Variants in FAM153A observed in about 807,000 individuals in gnomAD.
FAM153A encodes the protein family with sequence similarity 153 member A.
In FAM153A, 12 loss-of-function variants were observed where a neutral mutation model predicts 48.1. The observed-to-expected ratio is 0.25, with a 90% CI of 0.16 to 0.40. The LOEUF is 0.40. Ranked by LOEUF, FAM153A falls within the 10% of genes least tolerant of loss-of-function variation. The pLI, the probability that FAM153A is intolerant of heterozygous loss-of-function variation, is 1.00. For synonymous variants in FAM153A, 36 were observed against 118.2 expected (o/e 0.30, Z 4.51); for missense variants, 111 against 345.8 (o/e 0.32, Z 5.38).
At chr5:177,724,405 G>A (rs777290118) in intron 19 of FAM153A, 43 bp from the exon 22 acceptor site, 4 of 1,606,692 alleles carry the variant, frequency 2.5e-6, no homozygotes, top group Non-Finnish European at 3.4e-6. Flanking sequence ...AGACGCCAGT[G>A]CAGGAAAAGA....
chr5:177,695,897 C>T, the FAM153A span, among the ~76,000 whole-genome samples: 1 of 131,082 alleles, frequency 7.6e-6, no homozygotes, highest in African/African-American at 3.1e-5. Flanking sequence ...CAGAGGCACT[C>T]CTCACTTCCC....
chr5:177,768,979 T>A (rs1202491585), intron 1 of FAM153A, among the ~76,000 whole-genome samples: 1 of 93,488 alleles, frequency 1.1e-5, no homozygotes, highest in Non-Finnish European at 2.2e-5. Flanking sequence ...ATCCCAGCAC[T>A]TTGGGAGGCC....
At chr5:177,698,425 T>A in the FAM153A span, among the ~76,000 whole-genome samples, 1 of 151,890 alleles carries the variant, frequency 6.6e-6, no homozygotes, top group Admixed American at 6.6e-5. Flanking sequence ...CCATTCCTTT[T>A]GGGTGGCTTC....
At chr5:177,781,389 G>A (rs1365031681), upstream of FAM153A, among the ~76,000 whole-genome samples, 8 of 142,442 alleles carry the variant, frequency 5.6e-5, no homozygotes, top group African/African-American at 7.8e-5. Flanking sequence ...CCAAAGTGCT[G>A]GGATTACAGG....
chr5:177,705,906 C>T (rs1757843271), downstream of FAM153A, among the ~76,000 whole-genome samples: 1 of 151,616 alleles, frequency 6.6e-6, no homozygotes, highest in Admixed American at 6.6e-5. Context: ...GATCTGCCCG[C>T]CTCGGCCTCC....
chr5:177,718,824 T>C (rs1760423133), downstream of FAM153A, among the ~76,000 whole-genome samples: 1 of 149,140 alleles, frequency 6.7e-6, no homozygotes, highest in African/African-American at 2.5e-5. Context: ...GGCCTTAAAG[T>C]AGTGACTAAA....
the FAM153A span, among the ~76,000 whole-genome samples, chr5:177,700,208 G>T: frequency 2.0e-5 from 3 of 151,906 alleles, no homozygotes; most frequent in African/African-American, 4.9e-5. Context: ...CCATGAAAGG[G>T]TATCTCTGAA....
intron 10 of FAM153A, among the ~76,000 whole-genome samples, chr5:177,738,317 A>G (rs1203532240): frequency 6.6e-6 from 1 of 151,376 alleles, no homozygotes; most frequent in African/African-American, 2.5e-5. Flanking sequence ...AGATGAGAAA[A>G]TAACACAGCA....
downstream of FAM153A, chr5:177,723,011 G>GTTGAATATGCATAGCTTCCTGGA (rs1304761820): frequency 1.7e-5 from 2 of 119,574 alleles, no homozygotes; most frequent in Admixed American, 8.7e-5. Context: ...CCATCCAGAC[G>GTTGAATATGCATAGCTTCCTGGA]GAAGAGCTGC....
chr5:177,753,272 A>C, upstream of FAM153A: 1 of 1,449,124 alleles, frequency 6.9e-7, no homozygotes. Context: ...ATGGCAGTTA[A>C]AATGAAAGGC....
Position 177,728,767 on chromosome 5 carries a change from A to G in FAM153A, c.964+256T>C, listed in dbSNP as rs924366060. 3.3e-5 allele frequency among the ~76,000 whole-genome samples: 5 copies of G among 150,198 alleles called. 1 individual carries two copies. The highest frequency in any genetic ancestry group is 6.6e-5 in the Admixed American group (1 of 15,150). On this transcript the variant is annotated intron_variant, in intron 18 of 20. Transcript: ENST00000614127. ...TTTTTAGGAGCGATGGGGTTTCTCA[A>G]TGTCAGTCAGGCTGGTCTCAAACTC...
At chr5:177,760,101 G>A (rs1471093168) in intron 1 of FAM153A, among the ~76,000 whole-genome samples, 1 of 150,400 alleles carries the variant, frequency 6.6e-6, no homozygotes, top group Non-Finnish European at 1.5e-5. Context: ...AATTTTAATT[G>A]TCAACAACTG....
exon 27 of FAM153A, chr5:177,711,280 TAATA>T (rs1370227391): frequency 6.6e-6 from 1 of 151,906 alleles, no homozygotes; most frequent in Non-Finnish European, 1.5e-5. Context: ...ACAATGTTAA[TAATA>T]ACCACCACAA....
At chr5:177,695,819 ACTC>A in the FAM153A span, among the ~76,000 whole-genome samples, 1 of 141,564 alleles carries the variant, frequency 7.1e-6, no homozygotes, top group Non-Finnish European at 1.5e-5. Flanking sequence ...GGGCAGAGGC[ACTC>A]CTCACTCCTA....
chr5:177,719,470 G>A (rs1470611842), downstream of FAM153A, among the ~76,000 whole-genome samples: 4 of 150,924 alleles, frequency 2.7e-5, no homozygotes, highest in Non-Finnish European at 5.9e-5. Context: ...AAAAAGGGAG[G>A]GAGGACACTG....
chr5:177,714,041 G>A (rs1055306337), intron 25 of FAM153A: 3 of 151,862 alleles, frequency 2.0e-5, no homozygotes, highest in African/African-American at 7.3e-5. Context: ...TTTACTGTAT[G>A]TTCATACTTA....
At chr5:177,759,242 G>A (rs1397166025) in intron 1 of FAM153A, among the ~76,000 whole-genome samples, 2 of 151,782 alleles carry the variant, frequency 1.3e-5, no homozygotes, top group Non-Finnish European at 2.9e-5. Context: ...GGCCATCAGA[G>A]AAATGCAAAT....
intron 1 of FAM153A, among the ~76,000 whole-genome samples, chr5:177,759,514 C>T (rs1162679486): frequency 2.0e-5 from 3 of 151,632 alleles, no homozygotes; most frequent in Non-Finnish European, 2.9e-5. Context: ...GACATGCACA[C>T]GTATGTTTAT....
In FAM153A at chr5:177,772,597, C is replaced by CA. The variant is rs1466633670; in HGVS notation, c.-57+7851dup. Among the ~76,000 whole-genome samples the CA allele has an allele frequency of 2.7e-3, 66 of 24,454 alleles. 4 individuals carry two copies. The highest frequency in any genetic ancestry group is 0.011 in the African/African-American group (65 of 5,698). The allele number at this position is 24,454 out of a possible 152,430, so 16.0% of individuals were successfully genotyped here. On this transcript the variant is annotated intron_variant, in intron 1 of 8. Transcript: ENST00000393518. ...ACGAGACTATATCCCACACCTGGCT[C>CA]AGAGGGTCCTACGCCCACGGAGTCT...
Sources: allele counts gnomAD v4.1 joint callset (sites outside exome capture counted in the v4.1 genomes callset), GRCh38; gene constraint gnomAD v4.1.1; transcripts MANE v1.5; gene names NCBI Gene and HGNC (gene_info 2026-07-23, HGNC 2026-07-21).